Variants in TDRD3 observed in about 807,000 individuals in gnomAD.
TDRD3 encodes tudor domain-containing protein 3.
Under a neutral mutation model 86.7 loss-of-function variants are expected in TDRD3, and 45 were observed. That is an observed-to-expected ratio of 0.52 (90% confidence interval 0.41 to 0.67). The LOEUF (loss-of-function observed/expected upper bound fraction) is 0.67. TDRD3 is among the 30% of genes least tolerant of loss of function. TDRD3 has a pLI of 0.00. For synonymous variants in TDRD3, 298 were observed against 301.7 expected (o/e 0.99, Z 0.13); for missense variants, 814 against 889.0 (o/e 0.92, Z 1.07).
At chr13:60,404,626 A>G in intron 1 of TDRD3, among the ~76,000 whole-genome samples, 1 of 151,452 alleles carries the variant, frequency 6.6e-6, no homozygotes, top group African/African-American at 2.4e-5. Context: ...GCTTTTTGAG[A>G]CAGAGTCTCA....
intron 5 of TDRD3, among the ~76,000 whole-genome samples, chr13:60,477,023 T>A (rs1247098600): frequency 3.3e-5 from 5 of 151,912 alleles, no homozygotes; most frequent in African/African-American, 7.3e-5. Flanking sequence ...CTTTTTTTTT[T>A]ATTTGGATGT....
At position 60,453,067 on chromosome 13, in the gene TDRD3, T is replaced by C. The variant is rs570814207; in HGVS notation, c.193-7313T>C. Among the ~76,000 whole-genome samples, 15 of 152,230 alleles carry C rather than the reference T, an allele frequency of 9.9e-5. 2 individuals are homozygous for C. Among genetic ancestry groups the C allele is most frequent in the African/African-American group, 3.6e-4 (15 of 41,556 alleles). On this transcript the variant is annotated intron_variant, in intron 3 of 13. Transcript: ENST00000377881. ...TCTTAGTTCAACTCATTAGTTTTAT[T>C]TTTTCAAAAATAGGTTTTAAGATAT... is the stretch of plus-strand genomic sequence containing the variant.
intron 5 of TDRD3, among the ~76,000 whole-genome samples, chr13:60,480,750 G>A (rs1484518780): frequency 6.6e-6 from 1 of 152,114 alleles, no homozygotes; most frequent in Non-Finnish European, 1.5e-5. Context: ...GTGGGGTGCT[G>A]CAAGTGGGAG....
intron 1 of TDRD3, among the ~76,000 whole-genome samples, chr13:60,416,449 G>A (rs893301626): frequency 8.5e-5 from 13 of 152,152 alleles, no homozygotes; most frequent in African/African-American, 3.1e-4. Flanking sequence ...GAATGAAGCT[G>A]TATTTAAAAC....
intron 1 of TDRD3, among the ~76,000 whole-genome samples, chr13:60,426,075 A>G (rs1196134832): frequency 1.3e-5 from 2 of 152,160 alleles, no homozygotes; most frequent in African/African-American, 2.4e-5. Context: ...TGTATTTACA[A>G]TGGGATATAA....
Position 60,424,566 on chromosome 13 carries a change from A to G in TDRD3, c.42-15122A>G, listed in dbSNP as rs141767298. ...GTGGGATGCTCCTGTAGTCCCAGCT[A>G]CTCCGAAGGCTGAGGCAGGAGAATT... On this transcript the variant is annotated intron_variant, in intron 1 of 13. Transcript: ENST00000377881. Among the ~76,000 whole-genome samples, 703 of 151,970 alleles carry G rather than the reference A, an allele frequency of 4.6e-3. 5 individuals are homozygous for G. The highest frequency in any genetic ancestry group is 6.9e-3 in the Non-Finnish European group (470 of 67,976).
intron 3 of TDRD3, among the ~76,000 whole-genome samples, chr13:60,446,674 G>C (rs1674343937): frequency 6.6e-6 from 1 of 151,994 alleles, no homozygotes; most frequent in Admixed American, 6.6e-5. Flanking sequence ...TTACTCATTT[G>C]GTTTGTCTTT....
intron 7 of TDRD3, among the ~76,000 whole-genome samples, chr13:60,489,758 T>C (rs1435494755): frequency 6.6e-6 from 1 of 152,220 alleles, no homozygotes; most frequent in Non-Finnish European, 1.5e-5. Flanking sequence ...TACCATTTCT[T>C]AAATTAATAC....
At chr13:60,548,363 T>G (rs1957977746) in intron 12 of TDRD3, among the ~76,000 whole-genome samples, 2 of 152,080 alleles carry the variant, frequency 1.3e-5, no homozygotes, top group Admixed American at 6.6e-5. Context: ...ATCAAGGGAT[T>G]TTTATGAGGG....
intron 5 of TDRD3, among the ~76,000 whole-genome samples, chr13:60,483,102 G>A (rs1956354911): frequency 2.0e-5 from 3 of 151,944 alleles, no homozygotes; most frequent in South Asian, 2.1e-4. Flanking sequence ...TTTTCTTTCC[G>A]TTTTCATAAT....
At chr13:60,455,332 A>T (rs534128205) in intron 3 of TDRD3, among the ~76,000 whole-genome samples, 1 of 152,360 alleles carries the variant, frequency 6.6e-6, no homozygotes, top group South Asian at 2.1e-4. Flanking sequence ...TCAGGCTTTT[A>T]AAGCAGCTAT....
chr13:60,451,520 A>G (rs1955541181), intron 3 of TDRD3, among the ~76,000 whole-genome samples: 1 of 152,178 alleles, frequency 6.6e-6, no homozygotes, highest in Admixed American at 6.5e-5. Flanking sequence ...GGCCATGGAA[A>G]TTGGCACAAA....
intron 12 of TDRD3, among the ~76,000 whole-genome samples, chr13:60,560,859 G>A (rs980686215): frequency 2.0e-5 from 3 of 152,154 alleles, no homozygotes; most frequent in Non-Finnish European, 2.9e-5. Flanking sequence ...AAAATATTAT[G>A]TTATGTCAGC....
At chr13:60,553,852 C>T (rs1170120809) in intron 12 of TDRD3, among the ~76,000 whole-genome samples, 1 of 152,028 alleles carries the variant, frequency 6.6e-6, no homozygotes, top group African/African-American at 2.4e-5. Flanking sequence ...CAGAGTCAAA[C>T]TATATCACAA....
In TDRD3 at chr13:60,530,590, G is replaced by A. The variant is rs146703330; in HGVS notation, c.1992+1373G>A. On this transcript the variant is annotated intron_variant, in intron 11 of 13. Transcript: ENST00000377881. Reference sequence around the variant, plus strand: ...TGAGTAGCTGGGACTACAGAAATGCGCTACCATGCCCAGCTAATTTTTTGT... The same window carrying A: ...TGAGTAGCTGGGACTACAGAAATGCACTACCATGCCCAGCTAATTTTTTGT... Among the ~76,000 whole-genome samples the A allele has an allele frequency of 6.1e-4, 92 of 151,216 alleles. 1 individual carries two copies. In the East Asian group the frequency reaches 0.016, roughly 26 times the overall value.
intron 1 of TDRD3, among the ~76,000 whole-genome samples, chr13:60,405,090 T>C (rs951028156): frequency 5.3e-5 from 8 of 152,196 alleles, no homozygotes; most frequent in African/African-American, 1.9e-4. Flanking sequence ...AATAAATGTC[T>C]TTCTTTTGTA....
intron 8 of TDRD3, 23 bp from the exon 9 acceptor site, chr13:60,509,740 G>A: frequency 6.2e-7 from 1 of 1,613,150 alleles, no homozygotes; most frequent in Non-Finnish European, 8.5e-7. Context: ...CTATCAGCCA[G>A]CTTTTCTCTT....
chr13:60,414,967 A>C (rs1438452734), intron 1 of TDRD3, among the ~76,000 whole-genome samples: 1 of 152,082 alleles, frequency 6.6e-6, no homozygotes, highest in Non-Finnish European at 1.5e-5. Context: ...TGAGGTTGAA[A>C]AACCTGTTAA....
At chr13:60,462,404 G>A (rs1023036119) in intron 4 of TDRD3, among the ~76,000 whole-genome samples, 5 of 152,122 alleles carry the variant, frequency 3.3e-5, no homozygotes, top group East Asian at 1.9e-4. Flanking sequence ...ATTAATCGTC[G>A]TATGCTCTTC....
Sources: gnomAD v4.1 joint callset for allele counts (sites outside exome capture counted in the v4.1 genomes callset) on GRCh38, gnomAD v4.1.1 for gene constraint, MANE v1.5 for transcripts, NCBI Gene and HGNC (gene_info 2026-07-23, HGNC 2026-07-21) for gene names.